Variants in PHLDB2 observed in about 807,000 individuals in gnomAD.
The protein encoded by PHLDB2 is pleckstrin homology like domain family B member 2, also known as pleckstrin homology-like domain family B member 2.
A neutral mutation model predicts 123.6 loss-of-function variants in PHLDB2; 71 were observed. That is an observed-to-expected ratio of 0.57 (90% confidence interval 0.47 to 0.70). PHLDB2 has a LOEUF of 0.70. PHLDB2 is among the 30% of genes least tolerant of loss of function. PHLDB2 has a pLI of 0.00. For missense variants in PHLDB2, 1,446 were observed against 1,519.5 expected, an observed-to-expected ratio of 0.95 and a Z score of 0.80; for synonymous variants, 547 against 541.6, an observed-to-expected ratio of 1.01 and a Z score of -0.14.
At position 111,793,796 on chromosome 3, in the gene PHLDB2, C is replaced by T. The variant is rs917516473; in HGVS notation, c.-48-52025C>T. ...GGCTCCCTTCTGTCCCAGGGTTTGTCTAGAAATGTCATCTGGGAGCTAGAA... is the reference window on the plus strand; with the variant it reads ...GGCTCCCTTCTGTCCCAGGGTTTGTTTAGAAATGTCATCTGGGAGCTAGAA... On this transcript the variant is annotated intron_variant, in intron 1 of 17. Coordinates refer to the PHLDB2 transcript ENST00000393923. Among the ~76,000 whole-genome samples, 4 of 151,962 alleles carry T rather than the reference C, an allele frequency of 2.6e-5. No individual in the cohort carries two copies. In the South Asian group the frequency reaches 8.3e-4, roughly 32 times the overall value.
chr3:111,900,715 C>T (rs1026294208), intron 2 of PHLDB2, among the ~76,000 whole-genome samples: 3 of 152,124 alleles, frequency 2.0e-5, no homozygotes, highest in African/African-American at 7.2e-5. Context: ...ATGAAGTGAG[C>T]ACATACTATT....
chr3:111,937,516 A>G (rs703273), intron 6 of PHLDB2, among the ~76,000 whole-genome samples: 150,940 of 152,218 alleles, frequency 0.99, 74,851 homozygotes, highest in Middle Eastern at 1. Flanking sequence ...TACACCTATA[A>G]TCCCAGGTGA....
chr3:111,781,203 TCTTTA>T, intron 1 of PHLDB2, among the ~76,000 whole-genome samples: 1 of 152,044 alleles, frequency 6.6e-6, no homozygotes, highest in Non-Finnish European at 1.5e-5. Context: ...AAACATAACT[TCTTTA>T]CTTATGTCTG....
intron 6 of PHLDB2, among the ~76,000 whole-genome samples, chr3:111,937,157 T>G (rs1347212327): frequency 6.6e-5 from 10 of 152,248 alleles, no homozygotes; most frequent in Admixed American, 6.5e-4. Context: ...TGTGTTGACA[T>G]GATAGTCTTG....
At chr3:111,771,787 A>G (rs2060183612) in intron 1 of PHLDB2, among the ~76,000 whole-genome samples, 1 of 152,176 alleles carries the variant, frequency 6.6e-6, no homozygotes, top group South Asian at 2.1e-4. Flanking sequence ...CCTGTTCCCA[A>G]AAAAGATCAC....
intron 2 of PHLDB2, among the ~76,000 whole-genome samples, chr3:111,903,260 A>G (rs2067305051): frequency 6.6e-6 from 1 of 152,180 alleles, no homozygotes; most frequent in Non-Finnish European, 1.5e-5. Context: ...TTTTATGTCA[A>G]GGGTGAAGTA....
rs567314487 is a variant in PHLDB2 at position 111,801,939 on chromosome 3, T to G, written c.-48-43882T>G. On this transcript the variant is annotated intron_variant, in intron 1 of 17. Coordinates refer to the PHLDB2 transcript ENST00000393923. ...ATGTTCTGGAATAAGATAGCAGTGA[T>G]GGTTGCACAACTTTGTGAATGTAAT... Among the ~76,000 whole-genome samples the G allele has an allele frequency of 2.6e-3, 393 of 151,814 alleles. 4 individuals carry two copies. Among genetic ancestry groups the G allele is most frequent in the African/African-American group, 9.2e-3 (381 of 41,396 alleles).
chr3:111,890,286 A>C (rs1440632999), intron 2 of PHLDB2, among the ~76,000 whole-genome samples: 4 of 152,240 alleles, frequency 2.6e-5, no homozygotes, highest in Non-Finnish European at 5.9e-5. Flanking sequence ...ACAAAAACTA[A>C]GACAGACTCA....
intron 12 of PHLDB2, chr3:111,960,022 A>G: frequency 4.4e-6 from 1 of 224,972 alleles, no homozygotes; most frequent in Non-Finnish European, 7.4e-6. Flanking sequence ...GCCAATGTGA[A>G]ACTTTTCTAT....
intron 2 of PHLDB2, among the ~76,000 whole-genome samples, chr3:111,908,406 T>A (rs376715910): frequency 2.0e-5 from 3 of 152,066 alleles, no homozygotes; most frequent in South Asian, 2.1e-4. Flanking sequence ...TAGTAAAATT[T>A]AAAAAAAACT....
At chr3:111,872,378 C>T (rs2065384671) in intron 1 of PHLDB2, among the ~76,000 whole-genome samples, 1 of 152,158 alleles carries the variant, frequency 6.6e-6, no homozygotes, top group Non-Finnish European at 1.5e-5. Context: ...TTCTTTGCCT[C>T]CTCTCTTACA....
intron 1 of PHLDB2, among the ~76,000 whole-genome samples, chr3:111,759,232 GA>G (rs1184218792): frequency 6.6e-6 from 1 of 152,102 alleles, no homozygotes; most frequent in Non-Finnish European, 1.5e-5. Context: ...CTGGAGGCTG[GA>G]AAGGCCACAA....
intron 8 of PHLDB2, among the ~76,000 whole-genome samples, chr3:111,944,078 T>C (rs1360764168): frequency 6.6e-6 from 1 of 152,212 alleles, no homozygotes; most frequent in Non-Finnish European, 1.5e-5. Context: ...TACTGATGCC[T>C]GTAACATGGA....
intron 13 of PHLDB2, among the ~76,000 whole-genome samples, chr3:111,962,642 A>G (rs2071474663): frequency 6.6e-6 from 1 of 152,242 alleles, no homozygotes; most frequent in African/African-American, 2.4e-5. Context: ...GATTTAAAAA[A>G]GAGGGCCCAG....
intron 1 of PHLDB2, among the ~76,000 whole-genome samples, chr3:111,795,877 C>A (rs1265659875): frequency 1.3e-5 from 2 of 151,858 alleles, no homozygotes; most frequent in Non-Finnish European, 2.9e-5. Context: ...GGTGTGTGCA[C>A]CACCCCACCC....
chr3:111,736,567 T>A (rs2059511205), intron 1 of PHLDB2, among the ~76,000 whole-genome samples: 1 of 152,190 alleles, frequency 6.6e-6, no homozygotes, highest in Non-Finnish European at 1.5e-5. Flanking sequence ...AATTAAATAT[T>A]CACGCAGTTC....
At chr3:111,860,099 A>G (rs1322510736) in intron 1 of PHLDB2, among the ~76,000 whole-genome samples, 1 of 151,878 alleles carries the variant, frequency 6.6e-6, no homozygotes, top group Non-Finnish European at 1.5e-5. Flanking sequence ...GATTGTAGAA[A>G]ACAGGCAGAA....
At chr3:111,943,578 G>A (rs996308724) in intron 8 of PHLDB2, among the ~76,000 whole-genome samples, 3 of 152,018 alleles carry the variant, frequency 2.0e-5, no homozygotes, top group Admixed American at 6.6e-5. Flanking sequence ...TTAAAAAACA[G>A]GCAAAAGTCT....
At chr3:111,927,951 A>G (rs775701448) in intron 5 of PHLDB2, among the ~76,000 whole-genome samples, 3 of 152,250 alleles carry the variant, frequency 2.0e-5, no homozygotes, top group Admixed American at 6.5e-5. Context: ...TCTTTTAACC[A>G]TCTAGCAGAA....
Sources: allele counts gnomAD v4.1 joint callset (sites outside exome capture counted in the v4.1 genomes callset), GRCh38; gene constraint gnomAD v4.1.1; transcripts MANE v1.5; gene names NCBI Gene and HGNC (gene_info 2026-07-23, HGNC 2026-07-21).